ZZZ3: variants seen among roughly 807,000 people sequenced by gnomAD.
ZZZ3 encodes zinc finger ZZ-type containing 3.
In ZZZ3, 22 loss-of-function variants were observed where a neutral mutation model predicts 95.2. The ratio of observed to expected loss-of-function variants is 0.23; its 90% confidence interval spans 0.17 to 0.33. The LOEUF (loss-of-function observed/expected upper bound fraction) is 0.33. Ranked by LOEUF, ZZZ3 falls within the 10% of genes least tolerant of loss-of-function variation. The probability of loss-of-function intolerance (pLI) is 1.00; values close to 1 mark genes in which losing one functional copy is unlikely to be tolerated. For synonymous variants in ZZZ3, 335 were observed against 358.9 expected (o/e 0.93, Z 0.75); for missense variants, 885 against 1,066.5 (o/e 0.83, Z 2.37).
At position 77,568,921 on chromosome 1, in the gene ZZZ3, T is replaced by G. The variant is rs1394551914; in HGVS notation, c.2332-455A>C. 2.0e-5 allele frequency among the ~76,000 whole-genome samples: 3 copies of G among 152,358 alleles called. No individual in the cohort carries two copies. In the East Asian group the frequency reaches 5.8e-4, roughly 29 times the overall value. Reference sequence around the variant, plus strand: ...GCAAACCAACCTCTGCTCTTGTTTTTTGCTCTGTACTCCCAATGATCAAAG... The same window carrying G: ...GCAAACCAACCTCTGCTCTTGTTTTGTGCTCTGTACTCCCAATGATCAAAG... On this transcript the variant is annotated intron_variant, in intron 12 of 14. Transcript: ENST00000370801.
At chr1:77,673,885 A>G (rs1237932873) in intron 1 of ZZZ3, among the ~76,000 whole-genome samples, 1 of 152,142 alleles carries the variant, frequency 6.6e-6, no homozygotes, top group African/African-American at 2.4e-5. Flanking sequence ...TAAAAATTAG[A>G]ATGGGAATCA....
At position 77,564,048 on chromosome 1, in the gene ZZZ3, C is replaced by G. The variant is rs538112216; in HGVS notation, c.*1592G>C. ...AAACAGGTGATTCTAAAAATTGGGT[C>G]AAATATAACAATCAATCTTAGAATA... On this transcript the variant is annotated 3_prime_UTR_variant, in exon 15 of 15. Coordinates refer to ENST00000370801, the MANE Select transcript of ZZZ3 (RefSeq NM_015534.6). 21 of 152,050 alleles carry G rather than the reference C, an allele frequency of 1.4e-4. No homozygotes were observed. Among genetic ancestry groups the G allele is most frequent in the African/African-American group, 4.8e-4 (20 of 41,480 alleles). The allele number at this position is 152,050 out of a possible 1,614,324, so 9.4% of individuals were successfully genotyped here.
intron 5 of ZZZ3, among the ~76,000 whole-genome samples, chr1:77,604,359 A>G (rs2100692426): frequency 6.6e-6 from 1 of 152,368 alleles, no homozygotes; most frequent in African/African-American, 2.4e-5. Flanking sequence ...TTCATTAAGA[A>G]TTACTAGTAA....
chr1:77,630,841 G>C (rs562498962), intron 5 of ZZZ3, among the ~76,000 whole-genome samples: 1 of 152,274 alleles, frequency 6.6e-6, no homozygotes, highest in South Asian at 2.1e-4. Flanking sequence ...ACTTTGATCT[G>C]ACACATACCA....
chr1:77,680,301 G>C (rs751928160), intron 1 of ZZZ3, among the ~76,000 whole-genome samples: 98 of 152,208 alleles, frequency 6.4e-4, no homozygotes, highest in Non-Finnish European at 1.2e-3. Flanking sequence ...GACTCGGGCT[G>C]TCCTCCAACT....
Position 77,682,057 on chromosome 1 carries a change from A to G in ZZZ3, c.-403+528T>C, listed in dbSNP as rs1570695928. Among the ~76,000 whole-genome samples the G allele has an allele frequency of 2.0e-5, 3 of 152,184 alleles. No homozygotes were observed. In the East Asian group the frequency reaches 5.8e-4, roughly 29 times the overall value. ...TTAATAGGCACGTACAAAATGATGA[A>G]AAGCAGGATTTTATTCTGACCACAG... On this transcript the variant is annotated intron_variant, in intron 1 of 14. Coordinates refer to ENST00000370801, the MANE Select transcript of ZZZ3 (RefSeq NM_015534.6).
In ZZZ3 at chr1:77,632,820, T is replaced by G; in HGVS notation, c.535A>C (p.Lys179Gln). Reference protein sequence around the residue: ...LDDCEKREIKKVNVSEEGPLN... With the variant: ...LDDCEKREIKQVNVSEEGPLN... ...GGCCCTTCCTCACTGACATTCACCT[T>G]TTTAATTTCCCTTTTCTCACAATCA... Residue 179 changes from lysine (K) to glutamine (Q), a missense_variant, in exon 5 of 15, where the codon AAG becomes CAG. Coordinates refer to ENST00000370801, the MANE Select transcript of ZZZ3 (RefSeq NM_015534.6). 7.4e-6 allele frequency: 12 copies of G among 1,614,192 alleles called. No homozygotes were observed. The highest frequency in any genetic ancestry group is 1.0e-5 in the Non-Finnish European group (12 of 1,180,030).
chr1:77,578,949 TGAGTATCTAATGA>T (rs1390095716), intron 10 of ZZZ3, 80 bp from the exon 11 acceptor site: 20 of 674,594 alleles, frequency 3.0e-5, no homozygotes, highest in Non-Finnish European at 4.5e-5. Context: ...AAAACGTACA[TGAGTATCTAATGA>T]ATGCTAAGAA....
chr1:77,661,859 C>T (rs183836816), intron 1 of ZZZ3, among the ~76,000 whole-genome samples: 121 of 152,174 alleles, frequency 8.0e-4, no homozygotes, highest in African/African-American at 2.7e-3. Context: ...CTCTGTTGCC[C>T]AGGCTAGAGT....
intron 5 of ZZZ3, among the ~76,000 whole-genome samples, chr1:77,585,468 C>T (rs1228656227): frequency 1.3e-5 from 2 of 152,158 alleles, no homozygotes; most frequent in African/African-American, 2.4e-5. Context: ...TAGAGAAATA[C>T]ATTAAACCCA....
chr1:77,581,417 T>A (rs1662509524), intron 8 of ZZZ3, among the ~76,000 whole-genome samples: 1 of 152,186 alleles, frequency 6.6e-6, no homozygotes, highest in Admixed American at 6.5e-5. Context: ...CTGGTCACAT[T>A]TCACTACACA....
chr1:77,580,980 T>C lies in ZZZ3; in HGVS notation c.1980+18A>G. Reference sequence around the variant, plus strand: ...TACTTGTTTTTTTAAGCCTACACGATTTTGAAATATTTATTACCTGTTCTT... The same window carrying C: ...TACTTGTTTTTTTAAGCCTACACGACTTTGAAATATTTATTACCTGTTCTT... On this transcript the variant is annotated intron_variant, in intron 9 of 14. Transcript: ENST00000370801. 1 of 1,609,588 alleles carries C rather than the reference T, an allele frequency of 6.2e-7. No homozygotes were observed. Among genetic ancestry groups the C allele is most frequent in the Non-Finnish European group, 8.5e-7 (1 of 1,175,918 alleles).
chr1:77,680,831 G>A (rs1482942783), intron 1 of ZZZ3, among the ~76,000 whole-genome samples: 1 of 152,036 alleles, frequency 6.6e-6, no homozygotes, highest in Non-Finnish European at 1.5e-5. Flanking sequence ...ACACATTAAA[G>A]ATAAAAATAT....
At chr1:77,629,444 CCT>C (rs1272062260) in intron 5 of ZZZ3, among the ~76,000 whole-genome samples, 2 of 152,100 alleles carry the variant, frequency 1.3e-5, no homozygotes, top group Non-Finnish European at 1.5e-5. Flanking sequence ...ATGGCGAACC[CCT>C]GTCTCAATTA....
At chr1:77,580,370 T>C (rs1019831705) in intron 9 of ZZZ3, 1 of 152,194 alleles carries the variant, frequency 6.6e-6, no homozygotes, top group African/African-American at 2.4e-5. Context: ...AGAATGCACT[T>C]TGAAGCTCAG....
intron 10 of ZZZ3, 30 bp downstream of exon 10, chr1:77,579,475 TTAAAAAACTACCAAAAGCATAC>T: frequency 1.5e-6 from 2 of 1,346,624 alleles, no homozygotes; most frequent in Non-Finnish European, 2.1e-6. Flanking sequence ...TTCTCCTTTA[TTAAAAAACTACCAAAAGCATAC>T]CAGCAATCTG....
intron 4 of ZZZ3, among the ~76,000 whole-genome samples, chr1:77,637,079 G>A (rs1278767161): frequency 5.9e-5 from 9 of 152,162 alleles, no homozygotes; most frequent in African/African-American, 1.7e-4. Context: ...ACCTACCAAC[G>A]AATTAGGCTC....
chr1:77,610,640 G>A (rs1665698952), intron 5 of ZZZ3, among the ~76,000 whole-genome samples: 7 of 151,734 alleles, frequency 4.6e-5, no homozygotes, highest in Admixed American at 4.6e-4. Flanking sequence ...TTATCCCTGG[G>A]ATGAAAGGAT....
chr1:77,568,403 T>G lies in ZZZ3; in HGVS notation c.2395A>C (p.Lys799Gln), dbSNP rs752127276. 5 of 1,572,366 alleles carry G rather than the reference T, an allele frequency of 3.2e-6. No homozygotes were observed. The highest frequency in any genetic ancestry group is 4.3e-6 in the Non-Finnish European group (5 of 1,150,312). The part of the protein sequence containing the change: ...LPEYKELLQF[K>Q]KLKKQKLQQM... ...TGAAGTTTCTGCTTCTTTAACTTTT[T>G]AAACTGTAATAGTTCTTTATATTCA... is the stretch of plus-strand genomic sequence containing the variant. The change falls in exon 13 of 15, where the codon AAA becomes CAA. Residue 799 changes from lysine (K) to glutamine (Q), a missense_variant. Coordinates refer to ENST00000370801, the MANE Select transcript of ZZZ3 (RefSeq NM_015534.6).
Sources: allele counts gnomAD v4.1 joint callset (sites outside exome capture counted in the v4.1 genomes callset), GRCh38; gene constraint gnomAD v4.1.1; transcripts MANE v1.5; gene names NCBI Gene and HGNC (gene_info 2026-07-23, HGNC 2026-07-21).